TUBA8: variants seen among roughly 807,000 people sequenced by gnomAD.
TUBA8 encodes the protein tubulin alpha 8.
Under a neutral mutation model 34.7 loss-of-function variants are expected in TUBA8, and 29 were observed. That is an observed-to-expected ratio of 0.84 (90% CI 0.62 to 1.14). The LOEUF is 1.14. TUBA8 is among the 50% of genes most tolerant of loss of function. TUBA8 has a pLI of 0.00. For missense variants in TUBA8, 541 were observed against 599.2 expected, an observed-to-expected ratio of 0.90 and a Z score of 1.01; for synonymous variants, 226 against 231.2, an observed-to-expected ratio of 0.98 and a Z score of 0.21.
In TUBA8 at chr22:18,121,601, G is replaced by A; in HGVS notation, c.126G>A (p.Lys42=). The change falls in exon 2 of 5, where the codon AAG becomes AAA. Residue 42 remains lysine (K), a synonymous_variant. Coordinates refer to ENST00000330423, the MANE Select transcript of TUBA8 (RefSeq NM_018943.3). This position sits in a 1 kb window ranked among gnomAD's most constrained non-coding sequence, Gnocchi z 4.8. The part of the protein sequence containing the change: ...ADGTFDAQAS[K]INDDDSFTTF... ...GCACTTTTGATGCTCAAGCTAGCAA[G>A]ATCAACGATGATGACTCCTTCACCA... is the stretch of plus-strand genomic sequence containing the variant. 2 of 1,614,244 alleles carry A rather than the reference G, an allele frequency of 1.2e-6. No homozygotes were observed. The highest frequency in any genetic ancestry group is 3.3e-5 in the Admixed American group (2 of 60,030).
In TUBA8 at chr22:18,124,620, A is replaced by T; in HGVS notation, c.375+316A>T. On this transcript the variant is annotated intron_variant, in intron 3 of 4. Transcript: ENST00000330423. The surrounding 1 kb of genome is among the most constrained non-coding windows in gnomAD (Gnocchi z 4.3). The stretch of plus-strand genomic sequence containing the variant: ...GCTGGTCGGAAACACAGGTTAACAA[A>T]GCATTTAACTTGGAAGAGGAGAGGA... 1 of 277,032 alleles carries T rather than the reference A, an allele frequency of 3.6e-6. No individual in the cohort carries two copies. The highest frequency in any genetic ancestry group is 6.9e-6 in the Non-Finnish European group (1 of 145,702). 17.2% of individuals were successfully genotyped at this position (277,032 alleles called of 1,614,324 possible).
In TUBA8 at chr22:18,119,076, G is replaced by T. The variant is rs1797610707; in HGVS notation, c.4-2403G>T. 1 of 152,388 alleles carries T rather than the reference G, an allele frequency of 6.6e-6. No individual in the cohort carries two copies. The highest frequency in any genetic ancestry group is 2.4e-5 in the African/African-American group (1 of 41,428). The allele number at this position is 152,388 out of a possible 1,614,324, so 9.4% of individuals were successfully genotyped here. On this transcript the variant is annotated intron_variant, in intron 1 of 4. Coordinates refer to ENST00000330423, the MANE Select transcript of TUBA8 (RefSeq NM_018943.3). The surrounding 1 kb of genome is among the most constrained non-coding windows in gnomAD (Gnocchi z 5.9). ...GGGCGACAGACCCAGAAGGCTGAGG[G>T]TTAGGACCACAGAGGACACTGTCAC...
intron 1 of TUBA8, chr22:18,115,192 A>G (rs920970740): frequency 1.3e-5 from 2 of 152,282 alleles, no homozygotes; most frequent in Non-Finnish European, 2.9e-5. Flanking sequence ...CAGACTGGGC[A>G]GTGTGCGGGA....
In TUBA8 at chr22:18,121,422, G is replaced by T; in HGVS notation, c.4-57G>T. On this transcript the variant is annotated intron_variant, in intron 1 of 4. Coordinates refer to ENST00000330423, the MANE Select transcript of TUBA8 (RefSeq NM_018943.3). This position sits in a 1 kb window ranked among gnomAD's most constrained non-coding sequence, Gnocchi z 4.8. ...AAGGTGAATGTTATGGGGATGTAGG[G>T]CAAAGGCATGCTGGGGGCCCAGACT... 1 of 1,496,958 alleles carries T rather than the reference G, an allele frequency of 6.7e-7. No individual in the cohort carries two copies. Among genetic ancestry groups the T allele is most frequent in the Non-Finnish European group, 9.3e-7 (1 of 1,073,284 alleles). The allele number at this position is 1,496,958 out of a possible 1,614,324, so 92.7% of individuals were successfully genotyped here.
chr22:18,128,195 T>C (rs1907627592), intron 4 of TUBA8: 1 of 152,196 alleles, frequency 6.6e-6, no homozygotes, highest in African/African-American at 2.4e-5. Context: ...AATAAGATAC[T>C]TTTATAGTTG....
In TUBA8 at chr22:18,131,629, C is replaced by T; in HGVS notation, c.*493C>T. On this transcript the variant is annotated 3_prime_UTR_variant, in exon 5 of 5. Coordinates refer to ENST00000330423, the MANE Select transcript of TUBA8 (RefSeq NM_018943.3). This position sits in a 1 kb window ranked among gnomAD's most constrained non-coding sequence, Gnocchi z 5.3. The stretch of plus-strand genomic sequence containing the variant: ...CACTCCCCCATCACATATTCCAATA[C>T]ACACCCTGTCCTAGGCACTGAGAGC... 1 of 203,268 alleles carries T rather than the reference C, an allele frequency of 4.9e-6. No homozygotes were observed. Among genetic ancestry groups the T allele is most frequent in the Non-Finnish European group, 1.0e-5 (1 of 99,014 alleles). 12.6% of individuals were successfully genotyped at this position (203,268 alleles called of 1,614,324 possible). A position where few individuals can be genotyped will look rare whatever the true frequency, so the allele number is the denominator to read the frequency against.
chr22:18,126,080 T>C lies in TUBA8; in HGVS notation c.376-274T>C, dbSNP rs1222685700. On this transcript the variant is annotated intron_variant, in intron 3 of 4. Transcript: ENST00000330423. The surrounding 1 kb of genome is among the most constrained non-coding windows in gnomAD (Gnocchi z 4.0). Reference sequence around the variant, plus strand: ...GTCTCACTATGTTGCCCATGCTGGTTGTGAACTCCTGGCCTCAATGGATCC... The same window carrying C: ...GTCTCACTATGTTGCCCATGCTGGTCGTGAACTCCTGGCCTCAATGGATCC... 1.6e-5 allele frequency: 8 copies of C among 491,880 alleles called. No individual in the cohort carries two copies. The highest frequency in any genetic ancestry group is 2.9e-5 in the Non-Finnish European group (8 of 271,960). The allele number at this position is 491,880 out of a possible 1,614,324, so 30.5% of individuals were successfully genotyped here. A position where few individuals can be genotyped will look rare whatever the true frequency, so the allele number is the denominator to read the frequency against.
Position 18,121,141 on chromosome 22 carries a change from C to T in TUBA8, c.4-338C>T, listed in dbSNP as rs1928132165. On this transcript the variant is annotated intron_variant, in intron 1 of 4. Transcript: ENST00000330423. This position sits in a 1 kb window ranked among gnomAD's most constrained non-coding sequence, Gnocchi z 4.8. ...TGAAGGAGAGTTTCTGCCATGATCG[C>T]CAGTTCTTCCTTGGGCCTTCTTCAC... is the stretch of plus-strand genomic sequence containing the variant. 1.2e-5 allele frequency: 4 copies of T among 332,924 alleles called. No homozygotes were observed. The highest frequency in any genetic ancestry group is 1.2e-4 in the South Asian group (4 of 33,434). The allele number at this position is 332,924 out of a possible 1,614,324, so 20.6% of individuals were successfully genotyped here.
intron 4 of TUBA8, chr22:18,128,731 G>C (rs549871199): frequency 6.6e-6 from 1 of 152,180 alleles, no homozygotes; most frequent in Non-Finnish European, 1.5e-5. Context: ...ATTTTTAGTA[G>C]AGATGGGGTT....
chr22:18,124,215 A>G lies in TUBA8; in HGVS notation c.286A>G (p.Lys96Glu). The G allele has an allele frequency of 1.9e-6, 3 of 1,614,188 alleles. No individual in the cohort carries two copies. The highest frequency in any genetic ancestry group is 2.5e-6 in the Non-Finnish European group (3 of 1,180,028). Residue 96 changes from lysine to glutamate, a missense_variant, in exon 3 of 5, where the codon AAG (lysine) becomes GAG (glutamate). Lys to Glu is a moderately conservative substitution (Grantham distance 56). Coordinates refer to ENST00000330423, the MANE Select transcript of TUBA8 (RefSeq NM_018943.3). This position sits in a 1 kb window ranked among gnomAD's most constrained non-coding sequence, Gnocchi z 4.3. ...LFHPEQLITG[K>E]EDAANNYARG... ...CCATCCAGAGCAGCTGATCACAGGA[A>G]AGGAGGATGCAGCCAACAACTATGC...
In TUBA8 at chr22:18,130,864, C is replaced by T. The variant is rs1243082996; in HGVS notation, c.1078C>T (p.Pro360Ser). The change falls in exon 5 of 5, where the codon CCG (proline) becomes TCG (serine). Residue 360 changes from proline (P) to serine (S), a missense_variant. Coordinates refer to ENST00000330423, the MANE Select transcript of TUBA8 (RefSeq NM_018943.3). Reference protein sequence around the residue: ...GFKVGINYQPPTVVPGGDLAK... With the variant: ...GFKVGINYQPSTVVPGGDLAK... ...TCAGGTGGGCATCAACTACCAGCCC[C>T]CGACCGTGGTCCCCGGGGGAGACCT... 6.2e-7 allele frequency: 1 copy of T among 1,613,790 alleles called. No individual in the cohort carries two copies. Among genetic ancestry groups the T allele is most frequent in the Non-Finnish European group, 8.5e-7 (1 of 1,180,006 alleles).
chr22:18,126,790 C>T lies in TUBA8; in HGVS notation c.812C>T (p.Thr271Ile). Residue 271 changes from threonine (T) to isoleucine (I), a missense_variant, in exon 4 of 5, where the codon ACC (threonine) becomes ATC (isoleucine). Physicochemically the swap from Thr to Ile is moderately conservative, Grantham distance 89 (BLOSUM62 -1). Coordinates refer to ENST00000330423, the MANE Select transcript of TUBA8 (RefSeq NM_018943.3). The surrounding 1 kb of genome is among the most constrained non-coding windows in gnomAD (Gnocchi z 4.0). ...PYPRIHFPLV[T>I]YAPIISAEKA... ...CCCCGCATCCACTTCCCGCTGGTCA[C>T]CTACGCGCCCATCATCTCTGCCGAG... The T allele has an allele frequency of 6.2e-7, 1 of 1,614,092 alleles. No homozygotes were observed. The highest frequency in any genetic ancestry group is 8.5e-7 in the Non-Finnish European group (1 of 1,180,010).
chr22:18,113,199 T>C (rs1927864160), intron 1 of TUBA8: 1 of 152,246 alleles, frequency 6.6e-6, no homozygotes. Context: ...CCAATACCCT[T>C]TAGCATTTCT....
chr22:18,124,504 T>G lies in TUBA8; in HGVS notation c.375+200T>G. On this transcript the variant is annotated intron_variant, in intron 3 of 4. Coordinates refer to ENST00000330423, the MANE Select transcript of TUBA8 (RefSeq NM_018943.3). This position sits in a 1 kb window ranked among gnomAD's most constrained non-coding sequence, Gnocchi z 4.3. Reference sequence around the variant, plus strand: ...CTTCCTCTGTGTTGGCATCATAGACTGTGTTCCAGGCTGAGGCCCTACTCA... The same window carrying G: ...CTTCCTCTGTGTTGGCATCATAGACGGTGTTCCAGGCTGAGGCCCTACTCA... 1 of 621,256 alleles carries G rather than the reference T, an allele frequency of 1.6e-6. No individual in the cohort carries two copies. The highest frequency in any genetic ancestry group is 2.1e-5 in the South Asian group (1 of 46,928). 38.5% of individuals were successfully genotyped at this position (621,256 alleles called of 1,614,324 possible).
At chr22:18,112,572 C>T (rs1170211026) in intron 1 of TUBA8, 1 of 152,210 alleles carries the variant, frequency 6.6e-6, no homozygotes, top group East Asian at 1.9e-4. Flanking sequence ...GCCCTGTGCA[C>T]AAGCTTGAAT....
At chr22:18,117,770 G>A (rs1165324034) in intron 1 of TUBA8, 32 of 112,758 alleles carry the variant, frequency 2.8e-4, no homozygotes, top group Admixed American at 2.6e-3. Flanking sequence ...GTGAGACTCC[G>A]TCTCAAAAAA....
intron 1 of TUBA8, chr22:18,112,836 G>A (rs1305359483): frequency 1.3e-5 from 2 of 152,182 alleles, no homozygotes; most frequent in East Asian, 3.8e-4. Flanking sequence ...TACACTCACA[G>A]AAACTTTTAA....
chr22:18,124,044 C>T lies in TUBA8; in HGVS notation c.227-112C>T. The T allele has an allele frequency of 7.2e-7, 1 of 1,380,898 alleles. No homozygotes were observed. Among genetic ancestry groups the T allele is most frequent in the Non-Finnish European group, 1.0e-6 (1 of 982,978 alleles). 85.5% of individuals were successfully genotyped at this position (1,380,898 alleles called of 1,614,324 possible). A position where few individuals can be genotyped will look rare whatever the true frequency, so the allele number is the denominator to read the frequency against. On this transcript the variant is annotated intron_variant, in intron 2 of 4. Transcript: ENST00000330423. This position sits in a 1 kb window ranked among gnomAD's most constrained non-coding sequence, Gnocchi z 4.3. ...ATTACGAGGTGGTCTGGCTTCAAAC[C>T]TCCATGGAGTTTTATAGGTAGGGGA...
In TUBA8 at chr22:18,121,668, G is replaced by A. The variant is rs778981085; in HGVS notation, c.193G>A (p.Ala65Thr). ...ETGNGKHVPR[A>T]VMIDLEPTVV... is the part of the protein sequence containing the mutation. ...TGGCAATGGGAAGCATGTGCCCCGGGCCGTCATGATAGATCTGGAGCCTAC... is the reference window on the plus strand; with the variant it reads ...TGGCAATGGGAAGCATGTGCCCCGGACCGTCATGATAGATCTGGAGCCTAC... The change falls in exon 2 of 5, where the codon GCC becomes ACC. Residue 65 changes from alanine to threonine, a missense_variant. By Grantham distance (58) the Ala-to-Thr change is moderately conservative. Transcript: ENST00000330423. This position sits in a 1 kb window ranked among gnomAD's most constrained non-coding sequence, Gnocchi z 4.8. 4 of 1,614,218 alleles carry A rather than the reference G, an allele frequency of 2.5e-6. No individual in the cohort carries two copies. Among genetic ancestry groups the A allele is most frequent in the Non-Finnish European group, 2.5e-6 (3 of 1,180,038 alleles).
Sources: gnomAD v4.1 joint callset for allele counts on GRCh38, gnomAD v4.1.1 for gene constraint, Gnocchi (gnomAD v3.1) non-coding constraint, MANE v1.5 for transcripts, NCBI Gene and HGNC (gene_info 2026-07-23, HGNC 2026-07-21) for gene names.